The following CORIN variants were observed in gnomAD, a reference collection of about 807,000 sequenced individuals.
CORIN encodes the protein corin, serine peptidase.
A neutral mutation model predicts 125.3 loss-of-function variants in CORIN; 117 were observed. The ratio of observed to expected loss-of-function variants is 0.93; its 90% CI spans 0.80 to 1.09. CORIN has a LOEUF of 1.09. Ranked by LOEUF, CORIN falls within the 50% of genes least tolerant of loss-of-function variation. CORIN has a pLI of 0.00. For missense variants in CORIN, 1,253 were observed against 1,306.7 expected, an observed-to-expected ratio of 0.96 and a Z score of 0.63; for synonymous variants, 450 against 466.4, an observed-to-expected ratio of 0.96 and a Z score of 0.45.
At chr4:47,743,905 T>C (rs1244386069) in intron 5 of CORIN, among the ~76,000 whole-genome samples, 1 of 150,778 alleles carries the variant, frequency 6.6e-6, no homozygotes, top group Admixed American at 6.6e-5. Context: ...AAAAAAGACA[T>C]GCACAAGAAT....
chr4:47,603,515 C>G lies in CORIN; in HGVS notation c.2694G>C (p.Leu898=). 4 of 1,614,196 alleles carry G rather than the reference C, an allele frequency of 2.5e-6. No individual in the cohort carries two copies. The highest frequency in any genetic ancestry group is 3.4e-6 in the Non-Finnish European group (4 of 1,180,052). The change falls in exon 20 of 22, where the codon CTG becomes CTC. Residue 898 remains leucine, a synonymous_variant. Transcript: ENST00000273857. Reference sequence around the variant, plus strand: ...AGCCAGTCTCACTGATGTCTTCACTCAGCTCAACGATGCTGATGTCATAGT... The same window carrying G: ...AGCCAGTCTCACTGATGTCTTCACTGAGCTCAACGATGCTGATGTCATAGT... ...VVDYDISIVE[L]SEDISETGYV...
chr4:47,801,061 C>A (rs767407133), intron 2 of CORIN, among the ~76,000 whole-genome samples: 6 of 152,162 alleles, frequency 3.9e-5, no homozygotes, highest in Non-Finnish European at 8.8e-5. Flanking sequence ...ATGCCAATGA[C>A]TTGGAAGTTA....
chr4:47,614,226 C>T (rs900542534), intron 19 of CORIN, among the ~76,000 whole-genome samples: 5 of 152,110 alleles, frequency 3.3e-5, no homozygotes, highest in Non-Finnish European at 5.9e-5. Flanking sequence ...GAGTTTCGCT[C>T]TTGTTGCCCA....
chr4:47,722,248 C>T (rs902226924), intron 5 of CORIN, among the ~76,000 whole-genome samples: 2 of 152,156 alleles, frequency 1.3e-5, no homozygotes, highest in Admixed American at 1.3e-4. Flanking sequence ...AAGGTGTTTC[C>T]TTAGAGATAT....
intron 3 of CORIN, among the ~76,000 whole-genome samples, chr4:47,766,325 C>T (rs1391616520): frequency 3.9e-5 from 6 of 152,112 alleles, no homozygotes; most frequent in Non-Finnish European, 8.8e-5. Context: ...TTTATGTAGC[C>T]CTAACTTCAT....
chr4:47,607,354 G>C lies in CORIN; in HGVS notation c.2541-3686C>G, dbSNP rs184731134. Among the ~76,000 whole-genome samples, 343 of 151,772 alleles carry C rather than the reference G, an allele frequency of 2.3e-3. 2 individuals are homozygous for C. The highest frequency in any genetic ancestry group is 0.018 in the South Asian group (88 of 4,790). ...ACCCGGGAGGCAGAACTTGCAGTGA[G>C]CCCAGATCGCGCCACTGCACTCCAG... On this transcript the variant is annotated intron_variant, in intron 19 of 21. Transcript: ENST00000273857.
At chr4:47,679,862 ACATATGGAG>A in intron 8 of CORIN, 1 of 277,890 alleles carries the variant, frequency 3.6e-6, no homozygotes, top group Non-Finnish European at 6.8e-6. Context: ...CATAAAAGAG[ACATATGGAG>A]CAACGAGAGA....
chr4:47,807,981 G>A (rs1201649552), intron 1 of CORIN, among the ~76,000 whole-genome samples: 1 of 152,182 alleles, frequency 6.6e-6, no homozygotes, highest in African/African-American at 2.4e-5. Flanking sequence ...TAACCTCAGT[G>A]TAACTACCTC....
intron 5 of CORIN, among the ~76,000 whole-genome samples, chr4:47,733,171 T>C (rs183674440): frequency 6.6e-6 from 1 of 152,330 alleles, no homozygotes; most frequent in Non-Finnish European, 1.5e-5. Flanking sequence ...CTGAAATACA[T>C]TATCCCATTT....
chr4:47,729,102 A>T (rs557907911), intron 5 of CORIN, among the ~76,000 whole-genome samples: 154 of 152,304 alleles, frequency 1.0e-3, no homozygotes, highest in African/African-American at 3.6e-3. Context: ...TATCCTGGGT[A>T]TGTGGCATAG....
intron 5 of CORIN, among the ~76,000 whole-genome samples, chr4:47,698,815 G>T (rs1233697314): frequency 6.6e-6 from 1 of 152,160 alleles, no homozygotes; most frequent in Non-Finnish European, 1.5e-5. Context: ...TGGCCCCATA[G>T]GATTACAATA....
chr4:47,732,554 A>G (rs1727922023), intron 5 of CORIN, among the ~76,000 whole-genome samples: 1 of 150,444 alleles, frequency 6.6e-6, no homozygotes, highest in Non-Finnish European at 1.5e-5. Flanking sequence ...TAGCTGGTTT[A>G]GTAATCTACT....
At chr4:47,807,113 T>C in intron 1 of CORIN, 66 bp from the exon 2 acceptor site, 1 of 1,329,790 alleles carries the variant, frequency 7.5e-7, no homozygotes, top group Non-Finnish European at 1.1e-6. Flanking sequence ...AATTTTAGGT[T>C]ACAGCTATCC....
At chr4:47,827,411 G>A (rs1692805506) in intron 1 of CORIN, among the ~76,000 whole-genome samples, 1 of 152,190 alleles carries the variant, frequency 6.6e-6, no homozygotes, top group African/African-American at 2.4e-5. Context: ...CCTTGTAAGA[G>A]ATGTATTATT....
intron 1 of CORIN, among the ~76,000 whole-genome samples, chr4:47,811,979 A>G (rs1042131198): frequency 3.9e-5 from 6 of 152,166 alleles, no homozygotes; most frequent in Non-Finnish European, 5.9e-5. Flanking sequence ...ATCTGCATAT[A>G]TGTGTATTTT....
At chr4:47,754,313 C>T (rs957221184) in intron 4 of CORIN, among the ~76,000 whole-genome samples, 2 of 152,118 alleles carry the variant, frequency 1.3e-5, no homozygotes, top group South Asian at 2.1e-4. Flanking sequence ...GGGAACTTTG[C>T]TACAACCAGC....
chr4:47,661,537 T>C (rs1451137774), intron 12 of CORIN, 174 bp downstream of exon 12: 7 of 555,848 alleles, frequency 1.3e-5, no homozygotes, highest in Non-Finnish European at 2.2e-5. Context: ...ATCTAACAGA[T>C]GAGTGCCAAA....
intron 6 of CORIN, among the ~76,000 whole-genome samples, chr4:47,685,770 A>ATT (rs1725482860): frequency 1.3e-5 from 2 of 151,902 alleles, no homozygotes; most frequent in Non-Finnish European, 2.9e-5. Flanking sequence ...TTAAGTGCAA[A>ATT]ACAGTTTGCT....
At chr4:47,790,315 G>A in intron 2 of CORIN, 1 of 359,360 alleles carries the variant, frequency 2.8e-6, no homozygotes, top group Middle Eastern at 1.4e-3. Flanking sequence ...AGCGTGCACT[G>A]GGGTGGAGCC....
Sources: gnomAD v4.1 joint callset for allele counts (sites outside exome capture counted in the v4.1 genomes callset) on GRCh38, gnomAD v4.1.1 for gene constraint, MANE v1.5 for transcripts, NCBI Gene and HGNC (gene_info 2026-07-23, HGNC 2026-07-21) for gene names.